Variants in PDIA5 observed in about 807,000 individuals in gnomAD.
The protein encoded by PDIA5 is protein disulfide-isomerase A5.
In PDIA5, 58 loss-of-function variants were observed where a neutral mutation model predicts 77.6. The ratio of observed to expected loss-of-function variants is 0.75; its 90% CI spans 0.61 to 0.93. The LOEUF is 0.93. Ranked by LOEUF, PDIA5 falls within the 40% of genes least tolerant of loss-of-function variation. PDIA5 has a pLI of 0.00. For missense variants in PDIA5, 630 were observed against 647.7 expected (o/e 0.97, Z 0.30); for synonymous variants, 250 against 252.1 (o/e 0.99, Z 0.08).
chr3:123,071,691 C>A (rs1269250078), intron 1 of PDIA5, among the ~76,000 whole-genome samples: 1 of 152,146 alleles, frequency 6.6e-6, no homozygotes, highest in African/African-American at 2.4e-5. Context: ...CGAGGCCAAG[C>A]AGTGGGACAC....
intron 1 of PDIA5, among the ~76,000 whole-genome samples, chr3:123,067,854 C>T (rs1933616484): frequency 6.6e-6 from 1 of 152,184 alleles, no homozygotes; most frequent in South Asian, 2.1e-4. Context: ...CTAGTTTCCT[C>T]ATGCATGATA....
chr3:123,154,960 C>G lies in PDIA5; in HGVS notation c.1274-11C>G. ...TCACAGTCCTGTGTGCTCTCTTCCC[C>G]TCTCACACAGGGTGCCCACACTGTA... is the stretch of plus-strand genomic sequence containing the variant. On this transcript the variant is annotated splice_polypyrimidine_tract_variant and intron_variant, in intron 14 of 16. Coordinates refer to ENST00000316218, the MANE Select transcript of PDIA5 (RefSeq NM_006810.4). The G allele has an allele frequency of 6.3e-7, 1 of 1,586,042 alleles. No homozygotes were observed. The highest frequency in any genetic ancestry group is 2.2e-5 in the East Asian group (1 of 44,748).
At chr3:123,144,774 G>A (rs538382463) in intron 11 of PDIA5, 1 of 152,290 alleles carries the variant, frequency 6.6e-6, no homozygotes, top group South Asian at 2.1e-4. Context: ...TGTAGTCCCA[G>A]CTACGTGGGA....
At chr3:123,154,777 C>A (rs942875640) in intron 14 of PDIA5, among the ~76,000 whole-genome samples, 194 bp from the exon 15 acceptor site, 1 of 152,102 alleles carries the variant, frequency 6.6e-6, no homozygotes, top group Admixed American at 6.5e-5. Context: ...TCCTACCAGT[C>A]CCCCCTACCA....
chr3:123,113,632 T>C (rs1934921206), intron 7 of PDIA5, among the ~76,000 whole-genome samples: 1 of 152,212 alleles, frequency 6.6e-6, no homozygotes, highest in African/African-American at 2.4e-5. Flanking sequence ...AACAAACTTG[T>C]GCTTTTAGCA....
chr3:123,102,456 GAGCCCGA>G lies in PDIA5; in HGVS notation c.306_312del (p.Ser102ArgfsTer23). ...TGTGCAAGAAGATGAAAGTTGACCT[GAGCCCGA>G]AGGACAAAAAGGTTGAATTATTCCA... On this transcript the variant is annotated frameshift_variant, in exon 4 of 17. Coordinates refer to ENST00000316218, the MANE Select transcript of PDIA5 (RefSeq NM_006810.4). LOFTEE classifies it high-confidence loss of function. The G allele has an allele frequency of 6.2e-7, 1 of 1,614,052 alleles. No homozygotes were observed. Among genetic ancestry groups the G allele is most frequent in the Non-Finnish European group, 8.5e-7 (1 of 1,179,894 alleles).
intron 12 of PDIA5, 38 bp downstream of exon 12, chr3:123,145,630 AAAG>A: frequency 2.6e-6 from 4 of 1,523,430 alleles, no homozygotes; most frequent in Non-Finnish European, 2.7e-6. Flanking sequence ...GTTCTCTTTG[AAAG>A]AATCACTGAC....
intron 3 of PDIA5, among the ~76,000 whole-genome samples, chr3:123,094,142 G>C (rs1301355054): frequency 6.6e-6 from 1 of 152,260 alleles, no homozygotes; most frequent in Non-Finnish European, 1.5e-5. Context: ...CTGGGGCAGG[G>C]AAGCACCTTG....
At chr3:123,101,390 G>A (rs1043816552) in intron 3 of PDIA5, among the ~76,000 whole-genome samples, 2 of 152,168 alleles carry the variant, frequency 1.3e-5, no homozygotes, top group Non-Finnish European at 2.9e-5. Context: ...AACAGGCAGG[G>A]CACCAAGATG....
intron 3 of PDIA5, 100 bp downstream of exon 3, chr3:123,092,542 G>T (rs1304372009): frequency 1.1e-6 from 1 of 878,334 alleles, no homozygotes; most frequent in Non-Finnish European, 1.9e-6. Flanking sequence ...AATAATCTGG[G>T]AGAGAGGATG....
At chr3:123,124,815 G>C (rs903889990) in intron 10 of PDIA5, among the ~76,000 whole-genome samples, 9 of 152,184 alleles carry the variant, frequency 5.9e-5, no homozygotes, top group Admixed American at 2.6e-4. Context: ...AAATAGAATT[G>C]TCAGTTGAAC....
At chr3:123,151,143 G>A (rs927854373) in intron 14 of PDIA5, among the ~76,000 whole-genome samples, 2 of 152,128 alleles carry the variant, frequency 1.3e-5, no homozygotes, top group African/African-American at 2.4e-5. Flanking sequence ...TCAGTAATCC[G>A]TGGAGTCTGT....
In PDIA5 at chr3:123,089,282, T is replaced by C. The variant is rs769518973; in HGVS notation, c.157T>C (p.Tyr53His). Residue 53 changes from tyrosine to histidine, a missense_variant, in exon 2 of 17, where the codon TAC becomes CAC. By Grantham distance (83) the Tyr-to-His change is moderately conservative. Coordinates refer to ENST00000316218, the MANE Select transcript of PDIA5 (RefSeq NM_006810.4). ...LRTRNNVLVL[Y>H]SKSEVAAENH... ...AACCCGGAATAATGTACTGGTGCTT[T>C]ACTCCAAATCTGGTGAGTGTCCCTT... 5 of 1,614,078 alleles carry C rather than the reference T, an allele frequency of 3.1e-6. No homozygotes were observed. The highest frequency in any genetic ancestry group is 4.2e-6 in the Non-Finnish European group (5 of 1,179,998).
chr3:123,101,388 G>A lies in PDIA5; in HGVS notation c.258-1023G>A, dbSNP rs1271885090. On this transcript the variant is annotated intron_variant, in intron 3 of 16. Transcript: ENST00000316218. ...TTGAAATCCATTGTTCTAACAGGCA[G>A]GGCACCAAGATGAGATGAGGTTGTG... 3.9e-5 allele frequency among the ~76,000 whole-genome samples: 6 copies of A among 152,316 alleles called. No homozygotes were observed. In the East Asian group the frequency reaches 1.2e-3, roughly 29 times the overall value.
intron 2 of PDIA5, 130 bp downstream of exon 2, chr3:123,089,424 C>T (rs1369461412): frequency 2.7e-5 from 22 of 824,040 alleles, no homozygotes; most frequent in Admixed American, 2.3e-4. Context: ...GGTTTGTCAC[C>T]TTTCCTCAGA....
Position 123,150,304 on chromosome 3 carries a change from G to T in PDIA5, c.1213G>T (p.Asp405Tyr). Reference sequence around the variant, plus strand: ...GACAAGCGTGTTGCACCTGGTGGGGGACAACTTCCGGGAGACCCTGAAGAA... The same window carrying T: ...GACAAGCGTGTTGCACCTGGTGGGGTACAACTTCCGGGAGACCCTGAAGAA... ...QQTSVLHLVGDNFRETLKKKK... is the reference protein window; with the variant it reads ...QQTSVLHLVGYNFRETLKKKK... Residue 405 changes from aspartate (D) to tyrosine (Y), a missense_variant, in exon 14 of 17, where the codon GAC (aspartate) becomes TAC (tyrosine). By Grantham distance (160) the Asp-to-Tyr change is radical. Transcript: ENST00000316218. 6.2e-7 allele frequency: 1 copy of T among 1,613,876 alleles called. No homozygotes were observed. The highest frequency in any genetic ancestry group is 8.5e-7 in the Non-Finnish European group (1 of 1,179,910).
chr3:123,135,704 G>T (rs1935482759), intron 11 of PDIA5, among the ~76,000 whole-genome samples: 1 of 145,316 alleles, frequency 6.9e-6, no homozygotes. Context: ...GGTGATTAAG[G>T]AAAGAAACTA....
intron 6 of PDIA5, among the ~76,000 whole-genome samples, chr3:123,107,111 A>G (rs1428765778): frequency 3.3e-5 from 5 of 152,186 alleles, no homozygotes; most frequent in Non-Finnish European, 5.9e-5. Flanking sequence ...TTTTCCATAC[A>G]TTAATGTAGA....
At chr3:123,153,603 G>A (rs1260778144) in intron 14 of PDIA5, among the ~76,000 whole-genome samples, 1 of 151,968 alleles carries the variant, frequency 6.6e-6, no homozygotes, top group African/African-American at 2.4e-5. Context: ...ACCCATCACT[G>A]GCCCAGGTCT....
Sources: gnomAD v4.1 joint callset for allele counts (sites outside exome capture counted in the v4.1 genomes callset) on GRCh38, gnomAD v4.1.1 for gene constraint, MANE v1.5 for transcripts, NCBI Gene and HGNC (gene_info 2026-07-23, HGNC 2026-07-21) for gene names.